Variants in ERC1 observed in about 807,000 individuals in gnomAD.
ERC1 encodes ELKS/RAB6-interacting/CAST family member 1, also known as RAB6 interacting protein 2.
In ERC1, 56 loss-of-function variants were observed where a neutral mutation model predicts 132.0. The observed-to-expected ratio is 0.42, with a 90% CI of 0.34 to 0.53. The LOEUF (loss-of-function observed/expected upper bound fraction) is 0.53, where lower values mean the gene tolerates loss of function less well. ERC1 is among the 20% of genes least tolerant of loss of function. The pLI is 0.03. For synonymous variants in ERC1, 478 were observed against 476.1 expected, an observed-to-expected ratio of 1.00 and a Z score of -0.05; for missense variants, 1,202 against 1,349.9, an observed-to-expected ratio of 0.89 and a Z score of 1.72.
intron 16 of ERC1, among the ~76,000 whole-genome samples, chr12:1,373,909 C>T (rs933940789): frequency 1.8e-4 from 27 of 152,312 alleles, no homozygotes; most frequent in South Asian, 4.2e-4. Context: ...TTTTCTGTAG[C>T]GATGTGTCCT....
At chr12:1,070,933 T>C (rs996995817) in intron 2 of ERC1, among the ~76,000 whole-genome samples, 1 of 152,238 alleles carries the variant, frequency 6.6e-6, no homozygotes, top group East Asian at 1.9e-4. Context: ...TCGAACTTCA[T>C]TTAAATGGAA....
chr12:1,352,837 C>T (rs1485467790), intron 15 of ERC1, among the ~76,000 whole-genome samples: 1 of 152,078 alleles, frequency 6.6e-6, no homozygotes, highest in Non-Finnish European at 1.5e-5. Flanking sequence ...CATACAAATA[C>T]ATATTCATTA....
At chr12:1,091,107 T>G (rs1345687872) in intron 3 of ERC1, among the ~76,000 whole-genome samples, 1 of 152,202 alleles carries the variant, frequency 6.6e-6, no homozygotes, top group African/African-American at 2.4e-5. Flanking sequence ...CAGGCTGGTC[T>G]CAAACTCCTG....
intron 8 of ERC1, among the ~76,000 whole-genome samples, chr12:1,146,661 A>G (rs1457543815): frequency 6.7e-6 from 1 of 150,114 alleles, no homozygotes; most frequent in Non-Finnish European, 1.5e-5. Flanking sequence ...TCTAGGGTAC[A>G]TGTGCACAAT....
intron 1 of ERC1, among the ~76,000 whole-genome samples, chr12:1,009,284 C>T (rs1421521800): frequency 2.0e-5 from 3 of 151,868 alleles, no homozygotes; most frequent in Non-Finnish European, 4.4e-5. Flanking sequence ...ACGCCATTCT[C>T]CTGCCTCAGC....
At chr12:1,283,690 ACT>A (rs2078843647) in intron 14 of ERC1, among the ~76,000 whole-genome samples, 1 of 152,234 alleles carries the variant, frequency 6.6e-6, no homozygotes, top group Non-Finnish European at 1.5e-5. Flanking sequence ...AGGGTCTCAC[ACT>A]CAAATGGATG....
intron 8 of ERC1, among the ~76,000 whole-genome samples, chr12:1,159,741 A>G (rs1951718822): frequency 6.6e-6 from 1 of 151,792 alleles, no homozygotes; most frequent in Non-Finnish European, 1.5e-5. Flanking sequence ...TTCCATCTTG[A>G]CTTGTTTAGT....
At chr12:1,412,256 C>G (rs2091892764) in intron 17 of ERC1, among the ~76,000 whole-genome samples, 1 of 152,180 alleles carries the variant, frequency 6.6e-6, no homozygotes, top group Non-Finnish European at 1.5e-5. Flanking sequence ...TTTAGAAATT[C>G]AAACTTTTGA....
chr12:1,216,621 G>GCGGGGGGGAGGGA lies in ERC1; in HGVS notation c.2352-20148_2352-20147insCGGGGGGGAGGGA, dbSNP rs1450639874. Among the ~76,000 whole-genome samples the GCGGGGGGGAGGGA allele has an allele frequency of 3.2e-3, 439 of 137,404 alleles. 4 individuals carry two copies. The highest frequency in any genetic ancestry group is 0.01 in the African/African-American group (393 of 37,508). The allele number at this position is 137,404 out of a possible 152,430, so 90.1% of individuals were successfully genotyped here. A position where few individuals can be genotyped will look rare whatever the true frequency, so the allele number is the denominator to read the frequency against. ...TGGGGTCGGGGAGGAGGGATGGGGG[G>GCGGGGGGGAGGGA]TGGGGGGCGGGGGGAGTAAATGGAA... is the stretch of plus-strand genomic sequence containing the variant. On this transcript the variant is annotated intron_variant, in intron 12 of 18. Coordinates refer to ENST00000360905, the MANE Select transcript of ERC1 (RefSeq NM_178040.4).
At chr12:1,145,380 T>C (rs558798514) in intron 8 of ERC1, among the ~76,000 whole-genome samples, 2 of 150,932 alleles carry the variant, frequency 1.3e-5, no homozygotes, top group African/African-American at 4.9e-5. Flanking sequence ...TGTCTATTCT[T>C]TTGAGAATTG....
At chr12:1,263,815 G>A (rs1168557852) in intron 14 of ERC1, among the ~76,000 whole-genome samples, 10 of 151,848 alleles carry the variant, frequency 6.6e-5, no homozygotes, top group African/African-American at 1.2e-4. Flanking sequence ...TCAACCTCCC[G>A]AGTAGCTGGG....
At chr12:1,377,214 T>A (rs1219484248) in intron 16 of ERC1, among the ~76,000 whole-genome samples, 1 of 152,224 alleles carries the variant, frequency 6.6e-6, no homozygotes, top group Non-Finnish European at 1.5e-5. Flanking sequence ...TGTCTTTTAT[T>A]AACTTCCGTC....
At chr12:1,440,323 G>C (rs1049576996) in intron 17 of ERC1, among the ~76,000 whole-genome samples, 11 of 145,134 alleles carry the variant, frequency 7.6e-5, no homozygotes, top group Non-Finnish European at 1.3e-4. Context: ...TCCTGCCTCA[G>C]CCTCCCGAGT....
At chr12:1,080,162 A>G (rs1041099761) in intron 2 of ERC1, among the ~76,000 whole-genome samples, 3 of 152,222 alleles carry the variant, frequency 2.0e-5, no homozygotes, top group African/African-American at 7.2e-5. Context: ...CATAAAATTT[A>G]CCATCTTAAC....
intron 11 of ERC1, among the ~76,000 whole-genome samples, chr12:1,184,291 A>T: frequency 6.6e-6 from 1 of 151,554 alleles, no homozygotes. Context: ...CTTTTTTTTT[A>T]AAGACAGGGC....
intron 1 of ERC1, among the ~76,000 whole-genome samples, chr12:1,022,697 G>A (rs929398602): frequency 6.6e-6 from 1 of 152,076 alleles, no homozygotes; most frequent in African/African-American, 2.4e-5. Context: ...ACAGAGTCTT[G>A]CTCTGTCACC....
intron 10 of ERC1, among the ~76,000 whole-genome samples, chr12:1,182,547 G>A (rs1221563462): frequency 6.6e-6 from 1 of 152,150 alleles, no homozygotes; most frequent in Non-Finnish European, 1.5e-5. Context: ...ATCAGATGAT[G>A]ATAATGCATG....
At chr12:1,174,416 C>G (rs1456329507) in intron 8 of ERC1, among the ~76,000 whole-genome samples, 1 of 152,194 alleles carries the variant, frequency 6.6e-6, no homozygotes, top group Non-Finnish European at 1.5e-5. Context: ...CAGTCAGTCT[C>G]TCTAGAGTGG....
At chr12:1,229,651 G>A (rs2074874742) in intron 12 of ERC1, among the ~76,000 whole-genome samples, 1 of 152,214 alleles carries the variant, frequency 6.6e-6, no homozygotes, top group South Asian at 2.1e-4. Context: ...TGGATCAGTT[G>A]TAATGTCTTC....
Sources: allele counts gnomAD v4.1 joint callset (sites outside exome capture counted in the v4.1 genomes callset), GRCh38; gene constraint gnomAD v4.1.1; transcripts MANE v1.5; gene names NCBI Gene and HGNC (gene_info 2026-07-23, HGNC 2026-07-21).